Variants in IQSEC3 observed in about 807,000 individuals in gnomAD.
The protein encoded by IQSEC3 is IQ motif and Sec7 domain ArfGEF 3.
IQSEC3 carries 50 observed loss-of-function variants against 105.4 expected under a neutral mutation model. That is an observed-to-expected ratio of 0.47 (90% CI 0.38 to 0.60). IQSEC3 has a LOEUF of 0.60. Ranked by LOEUF, IQSEC3 falls within the 20% of genes least tolerant of loss-of-function variation. The pLI, the probability that IQSEC3 is intolerant of heterozygous loss-of-function variation, is 0.00. For missense variants in IQSEC3, 1,415 were observed against 1,630.0 expected, an observed-to-expected ratio of 0.87 and a Z score of 2.27; for synonymous variants, 708 against 746.0, an observed-to-expected ratio of 0.95 and a Z score of 0.83.
At chr12:125,541 C>A in intron 2 of IQSEC3, 92 bp from the exon 3 acceptor site, 2 of 1,296,302 alleles carry the variant, frequency 1.5e-6, no homozygotes, top group Non-Finnish European at 2.0e-6. Flanking sequence ...GAAAGGCAGG[C>A]CAGAGTGCCT....
At chr12:118,293 C>T (rs781982732) in intron 2 of IQSEC3, among the ~76,000 whole-genome samples, 1 of 152,116 alleles carries the variant, frequency 6.6e-6, no homozygotes, top group Non-Finnish European at 1.5e-5. Flanking sequence ...ACCTCCACCC[C>T]CCTCATGCCA....
intron 13 of IQSEC3, chr12:171,416 T>A: frequency 8.3e-7 from 1 of 1,208,368 alleles, no homozygotes. Context: ...GCTCCCAGAC[T>A]AACACAGTGG....
chr12:133,109 G>A (rs1865651342), intron 3 of IQSEC3, among the ~76,000 whole-genome samples: 1 of 152,184 alleles, frequency 6.6e-6, no homozygotes, highest in African/African-American at 2.4e-5. Flanking sequence ...GGTCCTCAGA[G>A]GGAAGGCAGA....
chr12:131,092 G>T (rs1371255192), intron 3 of IQSEC3, among the ~76,000 whole-genome samples: 2 of 129,498 alleles, frequency 1.5e-5, no homozygotes, highest in African/African-American at 5.8e-5. Context: ...CCACCCTCTG[G>T]CTTGGCCGCC....
chr12:76,560 T>A (rs1200178197), intron 1 of IQSEC3, among the ~76,000 whole-genome samples: 2 of 152,278 alleles, frequency 1.3e-5, no homozygotes, highest in Non-Finnish European at 2.9e-5. Context: ...TTTCTCTGCA[T>A]GAAGTGTTTC....
At chr12:122,362 C>A (rs1247073667) in intron 2 of IQSEC3, among the ~76,000 whole-genome samples, 4 of 152,202 alleles carry the variant, frequency 2.6e-5, no homozygotes, top group African/African-American at 9.6e-5. Context: ...ACACAAATTG[C>A]CCAAAGCCAC....
Position 138,688 on chromosome 12 carries a change from C to A in IQSEC3, c.1325C>A (p.Ala442Glu). 6.5e-7 allele frequency: 1 copy of A among 1,537,226 alleles called. No individual in the cohort carries two copies. The highest frequency in any genetic ancestry group is 8.7e-7 in the Non-Finnish European group (1 of 1,146,952). The change falls in exon 4 of 14, where the codon GCG becomes GAG. Residue 442 changes from alanine to glutamate, a missense_variant. Transcript: ENST00000538872. This position sits in a 1 kb window ranked among gnomAD's most constrained non-coding sequence, Gnocchi z 7.1. The part of the protein sequence containing the change: ...GAYQLHQALQ[A>E]AAGPPGLEAE... The stretch of plus-strand genomic sequence containing the variant: ...TACCAGCTCCACCAGGCCCTGCAGG[C>A]GGCCGCGGGGCCCCCAGGCCTGGAG...
chr12:109,067 C>T (rs537062699), intron 2 of IQSEC3, among the ~76,000 whole-genome samples: 3 of 152,260 alleles, frequency 2.0e-5, no homozygotes, highest in Non-Finnish European at 2.9e-5. Context: ...AGCATCCTGG[C>T]GGACTTCTCC....
intron 5 of IQSEC3, among the ~76,000 whole-genome samples, chr12:154,936 G>A (rs1437656514): frequency 2.8e-5 from 4 of 145,360 alleles, no homozygotes; most frequent in Non-Finnish European, 5.9e-5. Flanking sequence ...CATCTCTCTG[G>A]CCCACACGCT....
At position 78,499 on chromosome 12, in the gene IQSEC3, C is replaced by A. The variant is rs188112122; in HGVS notation, c.554+11063C>A. 8.0e-3 allele frequency among the ~76,000 whole-genome samples: 999 copies of A among 124,700 alleles called. 15 individuals carry two copies. Among genetic ancestry groups the A allele is most frequent in the African/African-American group, 0.031 (969 of 30,854 alleles). The allele number at this position is 124,700 out of a possible 152,430, so 81.8% of individuals were successfully genotyped here. ...TCCTGTCTTCCTTGTACCCAAGACA[C>A]CTCAGCAAAAAAAAAAAATAAATTT... On this transcript the variant is annotated intron_variant, in intron 1 of 13. Coordinates refer to ENST00000538872, the MANE Select transcript of IQSEC3 (RefSeq NM_001170738.2).
At chr12:91,199 C>T (rs781831879) in intron 1 of IQSEC3, among the ~76,000 whole-genome samples, 8 of 152,192 alleles carry the variant, frequency 5.3e-5, no homozygotes, top group Non-Finnish European at 7.3e-5. Context: ...ACCTCCCTCC[C>T]GCTCAAGCCC....
At chr12:130,854 C>G (rs1865564589) in intron 3 of IQSEC3, among the ~76,000 whole-genome samples, 1 of 152,214 alleles carries the variant, frequency 6.6e-6, no homozygotes, top group African/African-American at 2.4e-5. Flanking sequence ...CCCAGTCTCT[C>G]TGCTCCTCAG....
At chr12:153,929 A>C (rs1208336649) in intron 5 of IQSEC3, among the ~76,000 whole-genome samples, 1 of 152,100 alleles carries the variant, frequency 6.6e-6, no homozygotes. Flanking sequence ...TTGCCCCCAA[A>C]TATTCTAATT....
At chr12:156,111 G>A (rs1866675218) in intron 5 of IQSEC3, among the ~76,000 whole-genome samples, 1 of 152,182 alleles carries the variant, frequency 6.6e-6, no homozygotes, top group Non-Finnish European at 1.5e-5. Flanking sequence ...GATCGGGCTA[G>A]ACCAGAGGAA....
chr12:77,627 CG>C, intron 1 of IQSEC3: 5 of 413,150 alleles, frequency 1.2e-5, no homozygotes, highest in Non-Finnish European at 1.3e-5. Context: ...GGCAGGTACC[CG>C]GGGGCCCTGG....
chr12:108,546 T>A (rs782694172), intron 2 of IQSEC3, among the ~76,000 whole-genome samples: 7 of 152,252 alleles, frequency 4.6e-5, no homozygotes, highest in African/African-American at 7.2e-5. Context: ...CTTTAAGGTC[T>A]GGTCTAACTT....
chr12:99,865 G>A (rs182967477), intron 2 of IQSEC3, among the ~76,000 whole-genome samples: 4 of 152,080 alleles, frequency 2.6e-5, no homozygotes, highest in South Asian at 2.1e-4. Flanking sequence ...TTCTCCCTCC[G>A]CATCTGCCTC....
At chr12:171,952 G>C (rs1939022701) in intron 13 of IQSEC3, among the ~76,000 whole-genome samples, 1 of 152,074 alleles carries the variant, frequency 6.6e-6, no homozygotes, top group Non-Finnish European at 1.5e-5. Flanking sequence ...CCTATGGGAG[G>C]AGTGTGCAGG....
At chr12:168,374 C>G (rs1555099126) in intron 11 of IQSEC3, among the ~76,000 whole-genome samples, 1 of 152,004 alleles carries the variant, frequency 6.6e-6, no homozygotes, top group East Asian at 1.9e-4. Flanking sequence ...TGCGGAGGCT[C>G]AGCTGGCCAG....
Sources: allele counts gnomAD v4.1 joint callset (sites outside exome capture counted in the v4.1 genomes callset), GRCh38; gene constraint gnomAD v4.1.1; non-coding constraint Gnocchi (gnomAD v3.1); transcripts MANE v1.5; gene names NCBI Gene and HGNC (gene_info 2026-07-23, HGNC 2026-07-21).